The following LRP1B variants were observed in gnomAD, a reference collection of about 807,000 sequenced individuals.
LRP1B encodes low-density lipoprotein receptor-related protein 1B.
Under a neutral mutation model 556.6 loss-of-function variants are expected in LRP1B, and 217 were observed. The observed-to-expected ratio is 0.39, with a 90% CI of 0.35 to 0.44. LRP1B has a LOEUF of 0.44. LRP1B is among the 20% of genes least tolerant of loss of function. The probability of loss-of-function intolerance (pLI) is 1.00; values close to 1 mark genes in which losing one functional copy is unlikely to be tolerated. For missense variants in LRP1B, 5,053 were observed against 5,620.8 expected (o/e 0.90, Z 3.23); for synonymous variants, 2,047 against 1,865.8 (o/e 1.10, Z -2.50).
Position 141,214,546 on chromosome 2 carries a change from AG to A in LRP1B, c.850+14636del, listed in dbSNP as rs113754827. 7.2e-3 allele frequency among the ~76,000 whole-genome samples: 1,103 copies of A among 152,316 alleles called. 21 individuals are homozygous for A. Among genetic ancestry groups the A allele is most frequent in the African/African-American group, 0.023 (975 of 41,564 alleles). On this transcript the variant is annotated intron_variant, in intron 6 of 90. Transcript: ENST00000389484. The stretch of plus-strand genomic sequence containing the variant: ...TGTCTACTCAGCCTAAGTGGAATAA[AG>A]GGTTAAAAGTCTGCACCATTTTGAG...
intron 32 of LRP1B, among the ~76,000 whole-genome samples, chr2:140,810,710 C>A (rs933621115): frequency 2.6e-5 from 4 of 152,072 alleles, no homozygotes; most frequent in Admixed American, 6.6e-5. Flanking sequence ...GTCCAGTTAA[C>A]ATATTGCCAG....
chr2:141,457,094 G>A (rs1482439132), intron 3 of LRP1B, among the ~76,000 whole-genome samples: 2 of 152,158 alleles, frequency 1.3e-5, no homozygotes, highest in Non-Finnish European at 2.9e-5. Context: ...TTTATTATAG[G>A]CAGAACTAAG....
chr2:141,931,269 T>C (rs1236373624), intron 1 of LRP1B, among the ~76,000 whole-genome samples: 2 of 151,982 alleles, frequency 1.3e-5, no homozygotes, highest in African/African-American at 2.4e-5. Flanking sequence ...TGGAGAAAGA[T>C]ACACATCGTA....
intron 1 of LRP1B, among the ~76,000 whole-genome samples, chr2:142,027,789 C>G (rs1260720658): frequency 6.7e-6 from 1 of 149,576 alleles, no homozygotes; most frequent in African/African-American, 2.5e-5. Flanking sequence ...CTATGTAATA[C>G]TCTCCTAGTG....
chr2:141,194,959 A>G (rs953102937), intron 6 of LRP1B, among the ~76,000 whole-genome samples: 1 of 152,122 alleles, frequency 6.6e-6, no homozygotes, highest in Non-Finnish European at 1.5e-5. Flanking sequence ...TAGTACCAAA[A>G]CAATAAATTA....
intron 83 of LRP1B, among the ~76,000 whole-genome samples, chr2:140,298,851 G>A (rs979220796): frequency 2.0e-5 from 3 of 152,056 alleles, no homozygotes; most frequent in Admixed American, 6.6e-5. Context: ...CTCTGTAGGA[G>A]AAGAGAAGGA....
intron 31 of LRP1B, among the ~76,000 whole-genome samples, chr2:140,833,105 T>C (rs1023415650): frequency 6.6e-6 from 1 of 152,186 alleles, no homozygotes; most frequent in African/African-American, 2.4e-5. Context: ...TTTCCAGTGT[T>C]GGTTCCCACC....
chr2:141,044,126 G>A (rs1288577742), intron 11 of LRP1B, among the ~76,000 whole-genome samples: 4 of 151,786 alleles, frequency 2.6e-5, no homozygotes, highest in African/African-American at 4.8e-5. Context: ...CATATCTACA[G>A]CTATCTGATC....
At chr2:141,175,808 C>G (rs1680708331) in intron 7 of LRP1B, among the ~76,000 whole-genome samples, 1 of 152,086 alleles carries the variant, frequency 6.6e-6, no homozygotes, top group Non-Finnish European at 1.5e-5. Flanking sequence ...AAGGCATAGG[C>G]ATTCAACAAC....
intron 21 of LRP1B, among the ~76,000 whole-genome samples, chr2:140,910,614 G>C (rs1387979437): frequency 6.6e-6 from 1 of 151,484 alleles, no homozygotes; most frequent in South Asian, 2.1e-4. Flanking sequence ...AAAATACAAG[G>C]GTTCTTTTAA....
chr2:140,450,518 G>A (rs747784660), intron 63 of LRP1B, 50 bp downstream of exon 63: 2 of 1,366,110 alleles, frequency 1.5e-6, no homozygotes, highest in Non-Finnish European at 2.1e-6. Flanking sequence ...CCAGGTCTGG[G>A]ATATAAGGAA....
chr2:140,988,183 ATGT>A (rs1476285729), intron 17 of LRP1B, among the ~76,000 whole-genome samples: 1 of 152,040 alleles, frequency 6.6e-6, no homozygotes, highest in Non-Finnish European at 1.5e-5. Context: ...TTTACCAATG[ATGT>A]TAAGTTTAGG....
intron 18 of LRP1B, among the ~76,000 whole-genome samples, chr2:140,955,213 AATTG>A (rs1695837671): frequency 6.6e-6 from 1 of 151,908 alleles, no homozygotes; most frequent in Non-Finnish European, 1.5e-5. Flanking sequence ...AAATTACCAT[AATTG>A]ATTATTGTGT....
intron 1 of LRP1B, among the ~76,000 whole-genome samples, chr2:141,848,597 A>G (rs1697737658): frequency 6.6e-6 from 1 of 151,576 alleles, no homozygotes; most frequent in African/African-American, 2.4e-5. Flanking sequence ...TATAAGAAAG[A>G]TAATTATCTT....
At chr2:141,162,590 G>A (rs180971072) in intron 7 of LRP1B, among the ~76,000 whole-genome samples, 26 of 152,186 alleles carry the variant, frequency 1.7e-4, no homozygotes, top group African/African-American at 6.0e-4. Flanking sequence ...GGCAGGCAAG[G>A]AAGTTAGCTT....
chr2:141,287,869 C>G (rs1685779999), intron 3 of LRP1B, among the ~76,000 whole-genome samples: 1 of 152,146 alleles, frequency 6.6e-6, no homozygotes, highest in Non-Finnish European at 1.5e-5. Context: ...AAATCTTAAC[C>G]TATGATTACA....
intron 84 of LRP1B, among the ~76,000 whole-genome samples, chr2:140,284,525 G>T (rs1241501528): frequency 6.6e-6 from 1 of 151,548 alleles, no homozygotes; most frequent in African/African-American, 2.4e-5. Context: ...CATAGTGAGA[G>T]AATACAACAC....
At chr2:140,978,746 C>T (rs1266216756) in intron 18 of LRP1B, among the ~76,000 whole-genome samples, 1 of 152,074 alleles carries the variant, frequency 6.6e-6, no homozygotes, top group Middle Eastern at 3.2e-3. Flanking sequence ...TTTTAAATAA[C>T]AATCTGAAAG....
intron 3 of LRP1B, among the ~76,000 whole-genome samples, chr2:141,352,359 T>C (rs1688476668): frequency 6.6e-6 from 1 of 151,870 alleles, no homozygotes; most frequent in Non-Finnish European, 1.5e-5. Context: ...AATCATGGGG[T>C]TATGCTATAA....
Sources: gnomAD v4.1 joint callset for allele counts (sites outside exome capture counted in the v4.1 genomes callset) on GRCh38, gnomAD v4.1.1 for gene constraint, MANE v1.5 for transcripts, NCBI Gene and HGNC (gene_info 2026-07-23, HGNC 2026-07-21) for gene names.